Variants in KCNN2 observed in about 807,000 individuals in gnomAD.
The protein encoded by KCNN2 is potassium calcium-activated channel subfamily N member 2, also known as small conductance calcium-activated potassium channel protein 2.
Under a neutral mutation model 55.5 loss-of-function variants are expected in KCNN2, and 24 were observed. The ratio of observed to expected loss-of-function variants is 0.43; its 90% CI spans 0.31 to 0.61. KCNN2 has a LOEUF of 0.61. Ranked by LOEUF, KCNN2 falls within the 20% of genes least tolerant of loss-of-function variation. KCNN2 has a pLI of 0.08. For missense variants in KCNN2, 754 were observed against 853.6 expected, an observed-to-expected ratio of 0.88 and a Z score of 1.45; for synonymous variants, 431 against 336.1, an observed-to-expected ratio of 1.28 and a Z score of -3.09.
intron 2 of KCNN2, among the ~76,000 whole-genome samples, chr5:114,305,617 A>G (rs1341895265): frequency 6.6e-6 from 1 of 152,128 alleles, no homozygotes; most frequent in Non-Finnish European, 1.5e-5. Context: ...CAAGTTCCCA[A>G]AGGGATTGTG....
intron 2 of KCNN2, among the ~76,000 whole-genome samples, chr5:114,310,287 C>T (rs1173982507): frequency 6.6e-6 from 1 of 152,122 alleles, no homozygotes; most frequent in East Asian, 1.9e-4. Context: ...AACCACAGTG[C>T]TCCCGCCCCA....
intron 3 of KCNN2, among the ~76,000 whole-genome samples, chr5:114,411,201 AT>A (rs1759120338): frequency 6.6e-6 from 1 of 152,000 alleles, no homozygotes; most frequent in African/African-American, 2.4e-5. Context: ...ATTTCACTCT[AT>A]TTTTTGTCAC....
At chr5:114,278,356 G>A (rs185752506) in intron 2 of KCNN2, among the ~76,000 whole-genome samples, 21 of 152,342 alleles carry the variant, frequency 1.4e-4, no homozygotes, top group African/African-American at 5.0e-4. Context: ...CGAATGCCAT[G>A]CTGGGAGAAC....
At chr5:114,490,067 G>T (rs1383204721) in intron 6 of KCNN2, among the ~76,000 whole-genome samples, 5 of 152,144 alleles carry the variant, frequency 3.3e-5, no homozygotes, top group African/African-American at 9.7e-5. Context: ...TGTCTTTTTA[G>T]ATTGTCACTT....
At chr5:114,329,404 T>C (rs1331882064) in intron 2 of KCNN2, among the ~76,000 whole-genome samples, 1 of 152,188 alleles carries the variant, frequency 6.6e-6, no homozygotes, top group African/African-American at 2.4e-5. Context: ...TAGAATAAAG[T>C]AGGCAGGAGA....
At chr5:114,275,203 A>G (rs184475031) in intron 2 of KCNN2, among the ~76,000 whole-genome samples, 3 of 152,294 alleles carry the variant, frequency 2.0e-5, no homozygotes, top group East Asian at 3.9e-4. Context: ...CGTGGTGGAT[A>G]AGCTTTTTGA....
At chr5:114,392,235 A>G (rs866724806) in intron 2 of KCNN2, among the ~76,000 whole-genome samples, 1 of 152,182 alleles carries the variant, frequency 6.6e-6, no homozygotes, top group Admixed American at 6.5e-5. Flanking sequence ...TGAAACAGCA[A>G]ATAACATTAT....
At chr5:114,343,208 T>C (rs975222536) in intron 2 of KCNN2, among the ~76,000 whole-genome samples, 2 of 152,198 alleles carry the variant, frequency 1.3e-5, no homozygotes, top group African/African-American at 4.8e-5. Flanking sequence ...GGCTTGCTAA[T>C]GAATAGCCAA....
At chr5:114,456,584 T>C (rs1344764463) in intron 3 of KCNN2, among the ~76,000 whole-genome samples, 1 of 152,170 alleles carries the variant, frequency 6.6e-6, no homozygotes, top group Non-Finnish European at 1.5e-5. Flanking sequence ...AAATACATTT[T>C]GTAAGGCTAT....
chr5:114,414,070 A>G (rs1759221518), intron 3 of KCNN2, among the ~76,000 whole-genome samples: 1 of 152,172 alleles, frequency 6.6e-6, no homozygotes, highest in Non-Finnish European at 1.5e-5. Flanking sequence ...GGTTGGAGAA[A>G]ATGCAAGTGC....
intron 3 of KCNN2, among the ~76,000 whole-genome samples, chr5:114,409,351 C>G (rs147752365): frequency 6.6e-6 from 1 of 152,116 alleles, no homozygotes; most frequent in Non-Finnish European, 1.5e-5. Flanking sequence ...ATTGTTTTTC[C>G]GTAAATTTGC....
At chr5:114,370,311 G>T (rs1415066819) in intron 2 of KCNN2, among the ~76,000 whole-genome samples, 1 of 152,054 alleles carries the variant, frequency 6.6e-6, no homozygotes, top group Non-Finnish European at 1.5e-5. Flanking sequence ...TTACGTTCAG[G>T]TGAAGTCTCA....
chr5:114,308,297 ATCCTTGGTC>A (rs1181290668), intron 2 of KCNN2, among the ~76,000 whole-genome samples: 1 of 152,140 alleles, frequency 6.6e-6, no homozygotes, highest in East Asian at 1.9e-4. Flanking sequence ...CTGCTGTTTT[ATCCTTGGTC>A]TCCCTTAAAG....
chr5:114,495,853 A>G (rs1411734569), intron 7 of KCNN2, 42 bp from the exon 8 acceptor site: 2 of 1,575,272 alleles, frequency 1.3e-6, no homozygotes, highest in South Asian at 2.3e-5. Context: ...GTTTGTGTTC[A>G]GGGCAAGTAT....
intron 1 of KCNN2, among the ~76,000 whole-genome samples, chr5:114,150,198 G>A (rs531940942): frequency 3.9e-4 from 60 of 152,202 alleles, no homozygotes; most frequent in African/African-American, 1.3e-3. Flanking sequence ...CTTGTATTCC[G>A]TAGTAGCAAG....
At chr5:114,309,925 C>G (rs1756363361) in intron 2 of KCNN2, among the ~76,000 whole-genome samples, 1 of 152,112 alleles carries the variant, frequency 6.6e-6, no homozygotes, top group African/African-American at 2.4e-5. Flanking sequence ...GGAATGGCAA[C>G]AGGTGGAGAG....
chr5:114,207,344 A>T (rs896907484), intron 1 of KCNN2, among the ~76,000 whole-genome samples: 7 of 152,296 alleles, frequency 4.6e-5, no homozygotes, highest in Admixed American at 3.3e-4. Context: ...TCCTTCTGAG[A>T]TGCAGTCTCC....
At chr5:114,388,379 A>G (rs1380390219) in intron 2 of KCNN2, among the ~76,000 whole-genome samples, 1 of 152,176 alleles carries the variant, frequency 6.6e-6, no homozygotes, top group East Asian at 1.9e-4. Context: ...TATATTTAAC[A>G]GTGTTTAAGG....
At chr5:114,433,796 C>T (rs142591727) in intron 3 of KCNN2, 5,625 of 154,200 alleles carry the variant, frequency 0.036, 140 homozygotes, top group Middle Eastern at 0.062. Context: ...AAGGAAGAAA[C>T]TCCGAACACA....
Sources: allele counts gnomAD v4.1 joint callset (sites outside exome capture counted in the v4.1 genomes callset), GRCh38; gene constraint gnomAD v4.1.1; transcripts MANE v1.5; gene names NCBI Gene and HGNC (gene_info 2026-07-23, HGNC 2026-07-21).